GALNTL6: variants seen among roughly 807,000 people sequenced by gnomAD.
GALNTL6 encodes polypeptide N-acetylgalactosaminyltransferase like 6.
Under a neutral mutation model 73.7 loss-of-function variants are expected in GALNTL6, and 46 were observed. The observed-to-expected ratio is 0.62, with a 90% CI of 0.49 to 0.80. The LOEUF (loss-of-function observed/expected upper bound fraction) is 0.80, where lower values mean the gene tolerates loss of function less well. Among genes scored for constraint, GALNTL6 ranks in the 30% least tolerant of loss-of-function variants. The pLI is 0.00. For synonymous variants in GALNTL6, 259 were observed against 263.7 expected, an observed-to-expected ratio of 0.98 and a Z score of 0.17; for missense variants, 604 against 755.0, an observed-to-expected ratio of 0.80 and a Z score of 2.34.
chr4:171,938,158 C>T (rs1738410782), intron 2 of GALNTL6, among the ~76,000 whole-genome samples: 1 of 152,010 alleles, frequency 6.6e-6, no homozygotes, highest in African/African-American at 2.4e-5. Flanking sequence ...TGTAAAGGTT[C>T]ATGCTGTAGA....
intron 7 of GALNTL6, among the ~76,000 whole-genome samples, chr4:172,838,181 C>T (rs556260743): frequency 1.6e-4 from 24 of 152,298 alleles, no homozygotes; most frequent in Admixed American, 3.3e-4. Context: ...TGCCTCCTCC[C>T]GTCACACCTC....
At chr4:172,471,487 A>G (rs891718581) in intron 5 of GALNTL6, among the ~76,000 whole-genome samples, 2 of 152,148 alleles carry the variant, frequency 1.3e-5, no homozygotes, top group African/African-American at 4.8e-5. Context: ...TGTGAATCCA[A>G]TCACATTACT....
chr4:171,854,606 G>C (rs892722397), intron 2 of GALNTL6, among the ~76,000 whole-genome samples: 1 of 152,180 alleles, frequency 6.6e-6, no homozygotes, highest in African/African-American at 2.4e-5. Flanking sequence ...GCATGGACTA[G>C]ATTACATATA....
At chr4:171,906,289 C>T (rs1737274617) in intron 2 of GALNTL6, among the ~76,000 whole-genome samples, 2 of 151,078 alleles carry the variant, frequency 1.3e-5, no homozygotes, top group Admixed American at 1.3e-4. Flanking sequence ...CAAATAGACG[C>T]AATAAAAAAT....
intron 3 of GALNTL6, among the ~76,000 whole-genome samples, chr4:172,244,620 T>C (rs1394243222): frequency 6.6e-6 from 1 of 152,170 alleles, no homozygotes; most frequent in Non-Finnish European, 1.5e-5. Flanking sequence ...GTCTTGCATA[T>C]AGAATATGAA....
At chr4:172,868,661 A>G (rs1035856050) in intron 7 of GALNTL6, among the ~76,000 whole-genome samples, 1 of 152,238 alleles carries the variant, frequency 6.6e-6, no homozygotes, top group Non-Finnish European at 1.5e-5. Context: ...GCCAATCTGC[A>G]TTAGGACCTG....
chr4:172,120,173 C>G (rs960301516), intron 2 of GALNTL6, among the ~76,000 whole-genome samples: 5 of 152,074 alleles, frequency 3.3e-5, no homozygotes, highest in Non-Finnish European at 7.4e-5. Context: ...TTTCAAATAC[C>G]CTTCTTTCAT....
chr4:172,421,757 AT>A (rs1731058711), intron 5 of GALNTL6, among the ~76,000 whole-genome samples: 1 of 151,960 alleles, frequency 6.6e-6, no homozygotes, highest in African/African-American at 2.4e-5. Context: ...TGAGGAACAC[AT>A]TTTTTTCCTG....
intron 2 of GALNTL6, among the ~76,000 whole-genome samples, chr4:172,099,205 A>G (rs957248284): frequency 6.6e-6 from 1 of 152,196 alleles, no homozygotes; most frequent in Non-Finnish European, 1.5e-5. Flanking sequence ...GAACTGACCA[A>G]TGATTTGCCT....
At chr4:172,964,465 T>C (rs572499992) in intron 10 of GALNTL6, among the ~76,000 whole-genome samples, 11 of 152,330 alleles carry the variant, frequency 7.2e-5, no homozygotes, top group African/African-American at 2.6e-4. Context: ...CACCTTGCGA[T>C]TGTGCAAACT....
rs187378287 is a variant in GALNTL6 at position 172,905,000 on chromosome 4, A to G, written c.1041+22093A>G. ...TTAATTTTGTGCCCCTTTATGATTT[A>G]TAGAATATTTACATTGTATCCCTAA... On this transcript the variant is annotated intron_variant, in intron 8 of 12. Transcript: ENST00000506823. Among the ~76,000 whole-genome samples the G allele has an allele frequency of 1.3e-3, 203 of 152,302 alleles. 1 individual carries two copies. The highest frequency in any genetic ancestry group is 4.3e-3 in the African/African-American group (179 of 41,576).
intron 2 of GALNTL6, among the ~76,000 whole-genome samples, chr4:172,224,166 T>G (rs1413134005): frequency 2.0e-5 from 3 of 152,202 alleles, no homozygotes; most frequent in Non-Finnish European, 4.4e-5. Context: ...CAAGTTTTGA[T>G]AAACCAAGGG....
At chr4:172,243,396 A>C (rs1002210179) in intron 3 of GALNTL6, among the ~76,000 whole-genome samples, 1 of 152,086 alleles carries the variant, frequency 6.6e-6, no homozygotes, top group African/African-American at 2.4e-5. Flanking sequence ...CTATATTTAC[A>C]CACATGTATT....
intron 3 of GALNTL6, among the ~76,000 whole-genome samples, chr4:172,238,940 A>C (rs1737328604): frequency 1.3e-5 from 2 of 152,174 alleles, no homozygotes; most frequent in South Asian, 4.1e-4. Context: ...CTTGTAGCCC[A>C]AGGATAAAGC....
chr4:172,553,595 G>A (rs1162706865), intron 5 of GALNTL6, among the ~76,000 whole-genome samples: 1 of 151,992 alleles, frequency 6.6e-6, no homozygotes, highest in African/African-American at 2.4e-5. Flanking sequence ...TTTCCTAATT[G>A]TATTCTGAAT....
In GALNTL6 at chr4:172,952,172, G is replaced by T; in HGVS notation, c.1285G>T (p.Asp429Tyr). 1 of 1,614,074 alleles carries T rather than the reference G, an allele frequency of 6.2e-7. No homozygotes were observed. The highest frequency in any genetic ancestry group is 1.1e-5 in the South Asian group (1 of 91,072). Residue 429 changes from aspartate (D) to tyrosine (Y), a missense_variant, in exon 10 of 13, where the codon GAC (aspartate) becomes TAC (tyrosine). Physicochemically the swap from Asp to Tyr is radical, Grantham distance 160. Coordinates refer to ENST00000506823, the MANE Select transcript of GALNTL6 (RefSeq NM_001034845.3). ...GCTGCGCAAGCAGCTCAAGTGCAAG[G>T]ACTTCAAATGGTTCATGGCTGCTGT... ...KELRKQLKCK[D>Y]FKWFMAAVAW...
intron 2 of GALNTL6, among the ~76,000 whole-genome samples, chr4:171,915,356 T>C (rs1307276718): frequency 6.6e-6 from 1 of 152,202 alleles, no homozygotes; most frequent in Non-Finnish European, 1.5e-5. Context: ...TTATATGCCT[T>C]CTTGGAATAA....
intron 7 of GALNTL6, among the ~76,000 whole-genome samples, chr4:172,838,432 G>A (rs562597986): frequency 6.6e-6 from 1 of 152,316 alleles, no homozygotes; most frequent in South Asian, 2.1e-4. Context: ...TCTTGTGGGG[G>A]TGGCAGAGGA....
In GALNTL6 at chr4:172,397,957, T is replaced by G. The variant is rs182906483; in HGVS notation, c.553+49268T>G. On this transcript the variant is annotated intron_variant, in intron 5 of 12. Transcript: ENST00000506823. ...TAAAAGTCTTTCTTTTTTTTTACTT[T>G]TGGATTCTTCTGTCCTTCTTTGGAT... Among the ~76,000 whole-genome samples, 528 of 152,294 alleles carry G rather than the reference T, an allele frequency of 3.5e-3. 2 individuals carry two copies. Among genetic ancestry groups the G allele is most frequent in the African/African-American group, 0.012 (490 of 41,566 alleles).
Sources: gnomAD v4.1 joint callset for allele counts (sites outside exome capture counted in the v4.1 genomes callset) on GRCh38, gnomAD v4.1.1 for gene constraint, MANE v1.5 for transcripts, NCBI Gene and HGNC (gene_info 2026-07-23, HGNC 2026-07-21) for gene names.